NTRK2: variants seen among roughly 807,000 people sequenced by gnomAD.
NTRK2 encodes the protein neurotrophic receptor tyrosine kinase 2.
A neutral mutation model predicts 94.5 loss-of-function variants in NTRK2; 13 were observed. The observed-to-expected ratio is 0.14, with a 90% CI of 0.09 to 0.22. The LOEUF is 0.22. Ranked by LOEUF, NTRK2 falls within the 10% of genes least tolerant of loss-of-function variation. The pLI, the probability that NTRK2 is intolerant of heterozygous loss-of-function variation, is 1.00. For synonymous variants in NTRK2, 372 were observed against 407.4 expected (o/e 0.91, Z 1.05); for missense variants, 639 against 1,071.2 (o/e 0.60, Z 5.63).
At chr9:84,872,626 C>T (rs1301610089) in intron 14 of NTRK2, 2 of 1,064,194 alleles carry the variant, frequency 1.9e-6, no homozygotes, top group African/African-American at 1.6e-5. Flanking sequence ...AACTTAATTC[C>T]ATTTCCAATG....
In NTRK2 at chr9:84,710,787, T is replaced by C. The variant is rs2131832610; in HGVS notation, c.579T>C (p.Asn193=). Residue 193 remains asparagine (N), a synonymous_variant, in exon 6 of 19, where the codon AAT becomes AAC. Coordinates refer to ENST00000277120, the MANE Select transcript of NTRK2 (RefSeq NM_006180.6). ...NIPLANLQIP[N]CGLPSANLAA... is the part of the protein sequence containing the mutation. ...CCCTGGCAAACCTGCAGATACCCAA[T>C]TGTGGTAATTTATTTTTAAATCAAT... 1.9e-6 allele frequency: 3 copies of C among 1,614,118 alleles called. No homozygotes were observed. The highest frequency in any genetic ancestry group is 2.5e-6 in the Non-Finnish European group (3 of 1,179,962).
At chr9:85,005,984 G>A (rs1359347730) in intron 17 of NTRK2, among the ~76,000 whole-genome samples, 1 of 152,098 alleles carries the variant, frequency 6.6e-6, no homozygotes, top group Non-Finnish European at 1.5e-5. Context: ...ATGAGGATAT[G>A]GAGCTTATTC....
At chr9:84,765,625 A>G (rs2065956566) in intron 12 of NTRK2, among the ~76,000 whole-genome samples, 1 of 152,166 alleles carries the variant, frequency 6.6e-6, no homozygotes, top group South Asian at 2.1e-4. Context: ...ACTTGTAAGA[A>G]GACTCCACAA....
chr9:84,959,358 G>A (rs1339724795), intron 17 of NTRK2, among the ~76,000 whole-genome samples: 1 of 152,188 alleles, frequency 6.6e-6, no homozygotes, highest in African/African-American at 2.4e-5. Flanking sequence ...GATTGGGCAT[G>A]GAGTCAACTG....
At chr9:84,921,891 G>T (rs1262698545) in intron 14 of NTRK2, among the ~76,000 whole-genome samples, 2 of 152,170 alleles carry the variant, frequency 1.3e-5, no homozygotes, top group African/African-American at 2.4e-5. Flanking sequence ...CTGCCCAAGA[G>T]AATGGGACCA....
intron 8 of NTRK2, among the ~76,000 whole-genome samples, chr9:84,726,224 C>T (rs916381538): frequency 3.9e-5 from 6 of 152,174 alleles, no homozygotes; most frequent in Non-Finnish European, 8.8e-5. Flanking sequence ...TGGTGGCTCA[C>T]GCCTGTAATC....
chr9:84,883,952 T>G (rs2076339954), intron 14 of NTRK2, among the ~76,000 whole-genome samples: 2 of 152,214 alleles, frequency 1.3e-5, no homozygotes, highest in African/African-American at 4.8e-5. Flanking sequence ...GTTGTATAAT[T>G]TAGTACTTAG....
At chr9:84,723,041 C>G (rs1162990401) in intron 6 of NTRK2, among the ~76,000 whole-genome samples, 1 of 152,160 alleles carries the variant, frequency 6.6e-6, no homozygotes, top group Non-Finnish European at 1.5e-5. Flanking sequence ...ACATTTTCTT[C>G]AATAGAATGA....
At chr9:84,698,980 C>A (rs528193268) in intron 2 of NTRK2, among the ~76,000 whole-genome samples, 2 of 151,938 alleles carry the variant, frequency 1.3e-5, no homozygotes, top group African/African-American at 4.8e-5. Context: ...CATGACTACA[C>A]GTAGTAGCTT....
rs201570026 is a variant in NTRK2 at position 85,022,816 on chromosome 9, C to G, written c.*1379C>G. 4.3e-6 allele frequency: 1 copy of G among 233,116 alleles called. No individual in the cohort carries two copies. Among genetic ancestry groups the G allele is most frequent in the South Asian group, 1.8e-4 (1 of 5,502 alleles). The allele number at this position is 233,116 out of a possible 1,614,324, so 14.4% of individuals were successfully genotyped here. On this transcript the variant is annotated 3_prime_UTR_variant, in exon 19 of 19. Transcript: ENST00000277120. Reference sequence around the variant, plus strand: ...GTGATGGGTTTTAATGAATATGGACCCTGAAGCCTGGAAATCCTCATCCAC... The same window carrying G: ...GTGATGGGTTTTAATGAATATGGACGCTGAAGCCTGGAAATCCTCATCCAC...
At chr9:84,922,778 C>CAAA in intron 14 of NTRK2, among the ~76,000 whole-genome samples, 1 of 152,196 alleles carries the variant, frequency 6.6e-6, no homozygotes, top group Admixed American at 6.5e-5. Flanking sequence ...CTTGAGTCTT[C>CAAA]CACAGCACCA....
intron 14 of NTRK2, among the ~76,000 whole-genome samples, chr9:84,931,182 G>A (rs2078014038): frequency 6.6e-6 from 1 of 152,110 alleles, no homozygotes; most frequent in African/African-American, 2.4e-5. Context: ...CAAGGTGGGT[G>A]GATCACGAGG....
intron 8 of NTRK2, among the ~76,000 whole-genome samples, chr9:84,724,606 C>G (rs2062315506): frequency 1.3e-5 from 2 of 151,710 alleles, no homozygotes; most frequent in African/African-American, 4.9e-5. Context: ...GTGCCTTCCT[C>G]TGTCTTTTTT....
intron 14 of NTRK2, among the ~76,000 whole-genome samples, chr9:84,923,719 C>T (rs529930392): frequency 6.6e-6 from 1 of 152,030 alleles, no homozygotes. Flanking sequence ...AGTTGGAGAC[C>T]AGCCTGGCCA....
chr9:85,025,324 T>C lies in NTRK2; in HGVS notation c.*3887T>C. On this transcript the variant is annotated 3_prime_UTR_variant, in exon 19 of 19. Coordinates refer to ENST00000277120, the MANE Select transcript of NTRK2 (RefSeq NM_006180.6). ...TCAGCACATTTGTATTATGCTCACC[T>C]TGTCTCTGTCTCACTGTGACCCCTT... is the stretch of plus-strand genomic sequence containing the variant. The C allele has an allele frequency of 4.3e-6, 1 of 233,274 alleles. No homozygotes were observed. Among genetic ancestry groups the C allele is most frequent in the Non-Finnish European group, 8.5e-6 (1 of 118,016 alleles). 14.5% of individuals were successfully genotyped at this position (233,274 alleles called of 1,614,324 possible). A position where few individuals can be genotyped will look rare whatever the true frequency, so the allele number is the denominator to read the frequency against.
intron 14 of NTRK2, among the ~76,000 whole-genome samples, chr9:84,917,464 A>G (rs2077428543): frequency 6.6e-6 from 1 of 152,040 alleles, no homozygotes; most frequent in African/African-American, 2.4e-5. Flanking sequence ...GGAGCATTGT[A>G]ATGTTCAGTT....
At chr9:84,742,789 G>GCTTTTTTTT (rs1221783716) in intron 10 of NTRK2, among the ~76,000 whole-genome samples, 2 of 103,706 alleles carry the variant, frequency 1.9e-5, no homozygotes, top group African/African-American at 8.0e-5. Flanking sequence ...CATTATATTA[G>GCTTTTTTTT]TTTTTTTTTT....
chr9:84,857,855 C>T (rs758441729), intron 12 of NTRK2, among the ~76,000 whole-genome samples: 2 of 152,086 alleles, frequency 1.3e-5, no homozygotes, highest in Non-Finnish European at 1.5e-5. Context: ...AATTTTGATA[C>T]GAAGCCTGTG....
chr9:84,919,025 C>G (rs913437564), intron 14 of NTRK2, among the ~76,000 whole-genome samples: 4 of 151,912 alleles, frequency 2.6e-5, no homozygotes, highest in Admixed American at 6.6e-5. Context: ...TTCAAGCTCT[C>G]TATGGTCTGG....
Sources: gnomAD v4.1 joint callset for allele counts (sites outside exome capture counted in the v4.1 genomes callset) on GRCh38, gnomAD v4.1.1 for gene constraint, MANE v1.5 for transcripts, NCBI Gene and HGNC (gene_info 2026-07-23, HGNC 2026-07-21) for gene names.